The following SORCS1 variants were observed in gnomAD, a reference collection of about 807,000 sequenced individuals.
SORCS1 encodes sortilin related VPS10 domain containing receptor 1.
Under a neutral mutation model 146.1 loss-of-function variants are expected in SORCS1, and 60 were observed. The ratio of observed to expected loss-of-function variants is 0.41; its 90% CI spans 0.33 to 0.51. SORCS1 has a LOEUF of 0.51. Among genes scored for constraint, SORCS1 ranks in the 20% least tolerant of loss-of-function variants. The pLI is 0.21. For missense variants in SORCS1, 1,352 were observed against 1,487.6 expected (o/e 0.91, Z 1.50); for synonymous variants, 637 against 584.0 (o/e 1.09, Z -1.31).
chr10:106,933,796 T>C (rs1397669593), intron 2 of SORCS1, among the ~76,000 whole-genome samples: 1 of 152,132 alleles, frequency 6.6e-6, no homozygotes, highest in Non-Finnish European at 1.5e-5. Flanking sequence ...CAACTTCAAC[T>C]ATGAAAAACA....
intron 1 of SORCS1, among the ~76,000 whole-genome samples, chr10:107,108,482 C>A (rs1184134188): frequency 1.3e-5 from 2 of 152,060 alleles, no homozygotes; most frequent in Non-Finnish European, 2.9e-5. Context: ...TTTAAATGAC[C>A]AGATCTCAAA....
intron 1 of SORCS1, among the ~76,000 whole-genome samples, chr10:107,130,131 AT>A (rs1213219265): frequency 2.6e-5 from 4 of 152,214 alleles, no homozygotes; most frequent in African/African-American, 7.2e-5. Flanking sequence ...TCCAATCCTA[AT>A]TTTAAGACTT....
At chr10:107,069,162 C>T (rs565275116) in intron 1 of SORCS1, among the ~76,000 whole-genome samples, 57 of 152,070 alleles carry the variant, frequency 3.7e-4, no homozygotes, top group Non-Finnish European at 7.4e-4. Flanking sequence ...CAGAGGAGTG[C>T]AGCATCCTCC....
intron 2 of SORCS1, among the ~76,000 whole-genome samples, chr10:106,835,644 G>T (rs1252330496): frequency 6.6e-6 from 1 of 152,192 alleles, no homozygotes; most frequent in Non-Finnish European, 1.5e-5. Context: ...AAGCAATAAA[G>T]ATTCCACACT....
intron 21 of SORCS1, among the ~76,000 whole-genome samples, chr10:106,615,944 C>A (rs533623972): frequency 2.0e-5 from 3 of 152,140 alleles, no homozygotes; most frequent in African/African-American, 7.2e-5. Flanking sequence ...TTTTCTCATC[C>A]GTAAAATGCA....
intron 2 of SORCS1, among the ~76,000 whole-genome samples, chr10:106,840,135 G>C (rs1052292887): frequency 3.9e-5 from 6 of 152,124 alleles, no homozygotes; most frequent in Non-Finnish European, 8.8e-5. Context: ...CACTTTGTAA[G>C]GCTACAGCTT....
intron 2 of SORCS1, among the ~76,000 whole-genome samples, chr10:106,915,848 A>G (rs1952395317): frequency 6.6e-6 from 1 of 152,196 alleles, no homozygotes; most frequent in African/African-American, 2.4e-5. Flanking sequence ...CAAAGTAGGA[A>G]GAGCGAGCCA....
At chr10:106,969,787 A>G (rs1955677617) in intron 1 of SORCS1, among the ~76,000 whole-genome samples, 1 of 152,160 alleles carries the variant, frequency 6.6e-6, no homozygotes, top group Non-Finnish European at 1.5e-5. Flanking sequence ...GGAACAATCG[A>G]CACCTCCTCA....
intron 24 of SORCS1, among the ~76,000 whole-genome samples, chr10:106,582,770 C>A (rs970613115): frequency 6.6e-6 from 1 of 152,110 alleles, no homozygotes; most frequent in African/African-American, 2.4e-5. Context: ...TTTAAGCCTG[C>A]GTACTTGCAC....
intron 1 of SORCS1, among the ~76,000 whole-genome samples, chr10:106,965,661 A>C (rs1955461896): frequency 6.6e-6 from 1 of 152,184 alleles, no homozygotes; most frequent in African/African-American, 2.4e-5. Flanking sequence ...CAGTAATTTG[A>C]AGTCTAAGTC....
intron 1 of SORCS1, among the ~76,000 whole-genome samples, chr10:107,161,136 A>G (rs1350703610): frequency 6.6e-6 from 1 of 152,184 alleles, no homozygotes; most frequent in Non-Finnish European, 1.5e-5. Flanking sequence ...CAAGTCCAAC[A>G]GCTGAGGGGG....
chr10:107,099,098 G>A (rs942761820), intron 1 of SORCS1, among the ~76,000 whole-genome samples: 7 of 152,158 alleles, frequency 4.6e-5, no homozygotes, highest in African/African-American at 1.7e-4. Context: ...AGTGTTAAAG[G>A]TATTGACAAA....
At chr10:106,649,700 G>A (rs555525862) in intron 18 of SORCS1, among the ~76,000 whole-genome samples, 2 of 152,060 alleles carry the variant, frequency 1.3e-5, no homozygotes, top group Non-Finnish European at 2.9e-5. Context: ...AAATGATTCA[G>A]GTTCCTTATC....
At chr10:106,975,315 TGAA>T (rs1039675038) in intron 1 of SORCS1, among the ~76,000 whole-genome samples, 3 of 152,220 alleles carry the variant, frequency 2.0e-5, no homozygotes, top group Non-Finnish European at 4.4e-5. Flanking sequence ...GCTACTAGAA[TGAA>T]GGTGACAGGC....
At chr10:107,130,107 G>A (rs1336192095) in intron 1 of SORCS1, among the ~76,000 whole-genome samples, 1 of 152,204 alleles carries the variant, frequency 6.6e-6, no homozygotes, top group Non-Finnish European at 1.5e-5. Flanking sequence ...TCCAACTGGA[G>A]GGAATCGCTG....
chr10:106,683,938 T>C (rs1035324768), intron 10 of SORCS1, among the ~76,000 whole-genome samples: 19 of 152,016 alleles, frequency 1.2e-4, no homozygotes, highest in African/African-American at 4.6e-4. Flanking sequence ...GCAAAATATA[T>C]AGAGTCACAG....
rs566955433 is a variant in SORCS1 at position 106,750,228 on chromosome 10, T to A, written c.959+11360A>T. ...TGCATTCTGCCATCATAGGAATTCT[T>A]AGTGAAGTCTCGAGAAGTGACTGAA... On this transcript the variant is annotated intron_variant, in intron 5 of 25. Coordinates refer to ENST00000263054, the MANE Select transcript of SORCS1 (RefSeq NM_052918.5). 2.6e-5 allele frequency among the ~76,000 whole-genome samples: 4 copies of A among 152,186 alleles called. 1 individual carries two copies. The highest frequency in any genetic ancestry group is 9.6e-5 in the African/African-American group (4 of 41,516).
At chr10:107,021,825 T>C (rs1372877799) in intron 1 of SORCS1, among the ~76,000 whole-genome samples, 1 of 152,190 alleles carries the variant, frequency 6.6e-6, no homozygotes, top group East Asian at 1.9e-4. Flanking sequence ...ATTAACCACA[T>C]TTTGCTTTGG....
At chr10:106,864,757 T>C (rs963754410) in intron 2 of SORCS1, among the ~76,000 whole-genome samples, 3 of 152,182 alleles carry the variant, frequency 2.0e-5, no homozygotes, top group African/African-American at 7.2e-5. Context: ...GGTTGCCATA[T>C]TGGCTGTGTG....
Sources: allele counts gnomAD v4.1 joint callset (sites outside exome capture counted in the v4.1 genomes callset), GRCh38; gene constraint gnomAD v4.1.1; transcripts MANE v1.5; gene names NCBI Gene and HGNC (gene_info 2026-07-23, HGNC 2026-07-21).